The following MSN variants were observed in gnomAD, a reference collection of about 807,000 sequenced individuals.
MSN encodes epididymis luminal protein 70.
MSN carries 2 observed loss-of-function variants against 48.0 expected under a neutral mutation model. That is an observed-to-expected ratio of 0.04 (90% CI 0.02 to 0.13). MSN has a LOEUF of 0.13. Among genes scored for constraint, MSN ranks in the 10% least tolerant of loss-of-function variants. The pLI is 1.00. For synonymous variants in MSN, 146 were observed against 166.9 expected (o/e 0.87, Z 0.97); for missense variants, 267 against 470.1 (o/e 0.57, Z 3.99).
chrX:65,609,027 T>C (rs2070299442), intron 1 of MSN, among the ~76,000 whole-genome samples: 1 of 109,985 alleles, frequency 9.1e-6, no homozygotes, highest in Non-Finnish European at 1.9e-5. Flanking sequence ...ATTGGTAACT[T>C]AACTGGGGCT....
intron 1 of MSN, among the ~76,000 whole-genome samples, chrX:65,669,392 G>A (rs746696346): frequency 9.0e-6 from 1 of 111,363 alleles, no homozygotes; most frequent in South Asian, 3.8e-4. Context: ...TTGCTCCACG[G>A]TCTTTCTTCT....
At chrX:65,605,555 A>G (rs922285314) in intron 1 of MSN, among the ~76,000 whole-genome samples, 2 of 111,903 alleles carry the variant, frequency 1.8e-5, no homozygotes, top group Non-Finnish European at 3.8e-5. Context: ...GATCATGCTA[A>G]TCCCCTGCAT....
chrX:65,732,076 C>T, intron 6 of MSN, 92 bp downstream of exon 6: 1 of 963,881 alleles, frequency 1.0e-6, no homozygotes, highest in South Asian at 2.7e-5. Flanking sequence ...TCTTGGGTCC[C>T]ATCTCAGTTC....
chrX:65,683,838 A>G (rs2071082783), intron 1 of MSN, among the ~76,000 whole-genome samples: 1 of 111,932 alleles, frequency 8.9e-6, no homozygotes, highest in Non-Finnish European at 1.9e-5. Flanking sequence ...ATTGAAAAAT[A>G]TAAAGCCTCC....
rs770742257 is a variant in MSN, at chrX:65,599,565, G to A, written c.-22+10953G>A. Among the ~76,000 whole-genome samples the A allele has an allele frequency of 7.1e-5, 8 of 112,053 alleles. No homozygotes were observed. In the South Asian group the frequency reaches 1.1e-3, roughly 15 times the overall value. ...GGAGAATCACTTGAACCCGTAAGGCGGAGGTTGCAGTGAGCCGAGATAGCG... is the reference window on the plus strand; with the variant it reads ...GGAGAATCACTTGAACCCGTAAGGCAGAGGTTGCAGTGAGCCGAGATAGCG... On this transcript the variant is annotated intron_variant, in intron 1 of 3. Transcript: ENST00000609672.
At chrX:65,633,518 C>T (rs752247876) in intron 1 of MSN, among the ~76,000 whole-genome samples, 27 of 112,559 alleles carry the variant, frequency 2.4e-4, no homozygotes, top group African/African-American at 8.0e-4. Flanking sequence ...CTTTAATTCA[C>T]TGCCCCAGTG....
At chrX:65,719,837 G>A (rs1230119785) in intron 2 of MSN, among the ~76,000 whole-genome samples, 1 of 111,757 alleles carries the variant, frequency 8.9e-6, no homozygotes, top group Non-Finnish European at 1.9e-5. Flanking sequence ...GGATGAGGAA[G>A]GCATGATTTG....
chrX:65,721,154 A>G (rs2071513011), intron 2 of MSN, among the ~76,000 whole-genome samples: 2 of 111,903 alleles, frequency 1.8e-5, no homozygotes, highest in African/African-American at 6.5e-5. Flanking sequence ...ATAAAAGCAT[A>G]GAAAGGCACA....
At chrX:65,676,986 G>A (rs2071005453) in intron 1 of MSN, among the ~76,000 whole-genome samples, 1 of 110,251 alleles carries the variant, frequency 9.1e-6, no homozygotes, top group Admixed American at 9.7e-5. Flanking sequence ...CGCCACGCCC[G>A]GCTAATTTTT....
At chrX:65,649,263 A>G (rs77964351) in intron 1 of MSN, among the ~76,000 whole-genome samples, 4 of 102,223 alleles carry the variant, frequency 3.9e-5, no homozygotes, top group African/African-American at 1.4e-4. Flanking sequence ...ATATATGTAT[A>G]TATATATATA....
chrX:65,602,197 G>T (rs964833499), intron 1 of MSN, among the ~76,000 whole-genome samples: 1 of 112,230 alleles, frequency 8.9e-6, no homozygotes, highest in African/African-American at 3.2e-5. Context: ...CTGCTGTGTT[G>T]TGCTGTCTGT....
chrX:65,621,968 G>T (rs73213347), intron 1 of MSN, among the ~76,000 whole-genome samples: 1 of 111,650 alleles, frequency 9.0e-6, no homozygotes, highest in Non-Finnish European at 1.9e-5. Context: ...TGTTGACATT[G>T]TACCCCACAA....
intron 1 of MSN, among the ~76,000 whole-genome samples, chrX:65,716,287 T>A (rs112048550): frequency 1.8e-5 from 2 of 111,303 alleles, no homozygotes; most frequent in African/African-American, 6.5e-5. Context: ...TTTTTAAAAA[T>A]TTTTTTGAGA....
At chrX:65,633,028 A>C (rs2148366269) in intron 1 of MSN, among the ~76,000 whole-genome samples, 1 of 111,690 alleles carries the variant, frequency 9.0e-6, no homozygotes, top group African/African-American at 3.2e-5. Flanking sequence ...GATTCATTTC[A>C]GGCAGAGAGG....
chrX:65,647,003 T>C (rs2070699389), intron 1 of MSN, among the ~76,000 whole-genome samples: 1 of 111,078 alleles, frequency 9.0e-6, no homozygotes, highest in African/African-American at 3.3e-5. Context: ...ACAAGGCCCT[T>C]TGTGAATTCA....
At chrX:65,600,912 A>C (rs1211002773) in intron 1 of MSN, among the ~76,000 whole-genome samples, 4 of 111,227 alleles carry the variant, frequency 3.6e-5, no homozygotes, top group Admixed American at 2.9e-4. Context: ...TGAAATGGCG[A>C]GTGTTCTCAT....
intron 1 of MSN, among the ~76,000 whole-genome samples, chrX:65,620,654 G>T (rs1203840091): frequency 8.9e-6 from 1 of 112,457 alleles, no homozygotes; most frequent in Non-Finnish European, 1.9e-5. Context: ...TGGAAATGCA[G>T]AAATCACCCG....
chrX:65,684,912 A>AT (rs950446700), intron 1 of MSN, among the ~76,000 whole-genome samples: 1 of 110,373 alleles, frequency 9.1e-6, no homozygotes, highest in African/African-American at 3.3e-5. Context: ...TTATTTTTCT[A>AT]TTTTTTGTAT....
intron 1 of MSN, among the ~76,000 whole-genome samples, chrX:65,682,684 G>A (rs1264648680): frequency 5.4e-5 from 6 of 111,692 alleles, no homozygotes; most frequent in East Asian, 2.8e-4. Context: ...TTATATCCCC[G>A]GTACCCAACA....
Sources: allele counts gnomAD v4.1 joint callset (sites outside exome capture counted in the v4.1 genomes callset), GRCh38; gene constraint gnomAD v4.1.1; transcripts MANE v1.5; gene names NCBI Gene and HGNC (gene_info 2026-07-23, HGNC 2026-07-21).